Variants in VPS13C observed in about 807,000 individuals in gnomAD.
VPS13C encodes vacuolar protein sorting 13 homolog C, also known as intermembrane lipid transfer protein VPS13C.
In VPS13C, 358 loss-of-function variants were observed where a neutral mutation model predicts 456.8. The ratio of observed to expected loss-of-function variants is 0.78; its 90% confidence interval spans 0.72 to 0.86. VPS13C has a LOEUF of 0.86. Ranked by LOEUF, VPS13C falls within the 40% of genes least tolerant of loss-of-function variation. VPS13C has a pLI of 0.00. For missense variants in VPS13C, 4,818 were observed against 4,385.4 expected, an observed-to-expected ratio of 1.10 and a Z score of -2.79; for synonymous variants, 1,578 against 1,486.7, an observed-to-expected ratio of 1.06 and a Z score of -1.41.
intron 6 of VPS13C, among the ~76,000 whole-genome samples, chr15:62,024,576 G>T (rs2047571626): frequency 6.6e-6 from 1 of 151,984 alleles, no homozygotes; most frequent in Non-Finnish European, 1.5e-5. Context: ...CTAGTCTCCA[G>T]CCTCAGCTCC....
At chr15:61,918,956 T>C (rs1319851597) in intron 58 of VPS13C, among the ~76,000 whole-genome samples, 1 of 152,084 alleles carries the variant, frequency 6.6e-6, no homozygotes, top group Admixed American at 6.6e-5. Flanking sequence ...GAATGGAATG[T>C]TTCCTAACTA....
At chr15:62,036,516 T>C (rs983623534) in intron 3 of VPS13C, among the ~76,000 whole-genome samples, 1 of 152,114 alleles carries the variant, frequency 6.6e-6, no homozygotes, top group South Asian at 2.1e-4. Context: ...ATTTCTTAAA[T>C]GGCTTGCATG....
chr15:62,017,800 T>C (rs1307106552), intron 9 of VPS13C, among the ~76,000 whole-genome samples: 1 of 152,188 alleles, frequency 6.6e-6, no homozygotes, highest in Non-Finnish European at 1.5e-5. Flanking sequence ...AACTTTAAAG[T>C]AGTTTTTTCC....
In VPS13C at chr15:61,922,066, C is replaced by T. The variant is rs78530361; in HGVS notation, c.6976-33G>A. The T allele has an allele frequency of 5.5e-3, 8,758 of 1,597,738 alleles. 78 individuals carry two copies. Among genetic ancestry groups the T allele is most frequent in the Admixed American group, 6.0e-3 (353 of 58,990 alleles). On this transcript the variant is annotated intron_variant, in intron 54 of 84. Coordinates refer to ENST00000644861, the MANE Select transcript of VPS13C (RefSeq NM_020821.3). ...GATACACACAAAATTATAAGACAGT[C>T]CTTTGGCTTTAATTACATATTTCTG...
chr15:62,002,471 C>A (rs2046662722), intron 15 of VPS13C, among the ~76,000 whole-genome samples: 1 of 152,042 alleles, frequency 6.6e-6, no homozygotes, highest in Non-Finnish European at 1.5e-5. Flanking sequence ...TTGTAGGTTG[C>A]CTGTTCACTC....
At position 62,008,675 on chromosome 15, in the gene VPS13C, A is replaced by T. The variant is rs116113749; in HGVS notation, c.1098T>A (p.Leu366=). ...PYRKYKPYLP[L]HTNGRRWWKY... ...CTTACCATCGTCGACCATTGGTATGAAGTGGTAAATAAGGCTTGTATTTCC... is the reference window on the plus strand; with the variant it reads ...CTTACCATCGTCGACCATTGGTATGTAGTGGTAAATAAGGCTTGTATTTCC... Residue 366 remains leucine, a synonymous_variant, in exon 14 of 85, where the codon CTT becomes CTA. Transcript: ENST00000644861. 4.2e-5 allele frequency: 68 copies of T among 1,605,830 alleles called. 1 individual carries two copies. The Middle Eastern group carries it at 3.3e-3, about 78-fold the overall frequency.
At chr15:62,049,749 C>T (rs2048557172) in intron 1 of VPS13C, among the ~76,000 whole-genome samples, 1 of 152,116 alleles carries the variant, frequency 6.6e-6, no homozygotes, top group Admixed American at 6.6e-5. Flanking sequence ...GAATGTTCTT[C>T]CATTTGTTTG....
At chr15:62,024,672 T>TA (rs1013564353) in intron 6 of VPS13C, among the ~76,000 whole-genome samples, 4 of 152,078 alleles carry the variant, frequency 2.6e-5, no homozygotes, top group Admixed American at 2.6e-4. Flanking sequence ...CAAAATTATT[T>TA]AAAGGCTCTC....
intron 28 of VPS13C, among the ~76,000 whole-genome samples, chr15:61,968,558 T>A (rs1240930908): frequency 6.6e-6 from 1 of 152,104 alleles, no homozygotes; most frequent in South Asian, 2.1e-4. Flanking sequence ...TTAGGGAATT[T>A]TAATTACTGT....
intron 19 of VPS13C, 56 bp from the exon 20 acceptor site, chr15:61,984,068 G>A (rs1040239556): frequency 1.3e-6 from 2 of 1,503,568 alleles, no homozygotes; most frequent in Non-Finnish European, 9.0e-7. Context: ...GTAATCTAAT[G>A]GACTAAAATA....
In VPS13C at chr15:62,005,438, T is replaced by C. The variant is rs576074976; in HGVS notation, c.1290+1870A>G. Reference sequence around the variant, plus strand: ...CTGCACGTGAGATGGGTTTCCTGAATACAGCACACTGATGGGTCTTGACTC... The same window carrying C: ...CTGCACGTGAGATGGGTTTCCTGAACACAGCACACTGATGGGTCTTGACTC... On this transcript the variant is annotated intron_variant, in intron 15 of 84. Coordinates refer to ENST00000644861, the MANE Select transcript of VPS13C (RefSeq NM_020821.3). Among the ~76,000 whole-genome samples the C allele has an allele frequency of 5.9e-5, 9 of 152,282 alleles. No individual in the cohort carries two copies. In the East Asian group the frequency reaches 1.7e-3, roughly 29 times the overall value.
intron 28 of VPS13C, among the ~76,000 whole-genome samples, chr15:61,969,024 T>G (rs2045465854): frequency 6.6e-6 from 1 of 152,136 alleles, no homozygotes; most frequent in Admixed American, 6.6e-5. Context: ...TTCCAGGGTT[T>G]TAATCATGGT....
At chr15:61,886,508 G>A (rs1896283318) in intron 67 of VPS13C, among the ~76,000 whole-genome samples, 1 of 152,026 alleles carries the variant, frequency 6.6e-6, no homozygotes, top group Admixed American at 6.6e-5. Flanking sequence ...AAAAAATGCT[G>A]CAGAACAATA....
intron 6 of VPS13C, among the ~76,000 whole-genome samples, chr15:62,024,588 A>G (rs976924593): frequency 1.3e-5 from 2 of 152,062 alleles, no homozygotes; most frequent in African/African-American, 4.8e-5. Context: ...CTCAGCTCCT[A>G]CTAAAGGTCC....
intron 27 of VPS13C, among the ~76,000 whole-genome samples, chr15:61,971,453 G>A (rs989368026): frequency 6.6e-6 from 1 of 152,078 alleles, no homozygotes; most frequent in Admixed American, 6.5e-5. Context: ...TAGAGATGGG[G>A]TTTCACCGTG....
At chr15:62,048,968 A>G (rs1269113046) in intron 1 of VPS13C, among the ~76,000 whole-genome samples, 1 of 150,138 alleles carries the variant, frequency 6.7e-6, no homozygotes, top group African/African-American at 2.4e-5. Context: ...TTTTCTTGTA[A>G]ATTTGTTTGA....
At chr15:61,950,521 A>G (rs551114212) in intron 40 of VPS13C, 104 bp from the exon 41 acceptor site, 1 of 907,512 alleles carries the variant, frequency 1.1e-6, no homozygotes, top group East Asian at 2.7e-5. Flanking sequence ...TTAAAAGAGT[A>G]AAAAGATATT....
chr15:62,006,735 T>C (rs546565768), intron 15 of VPS13C, among the ~76,000 whole-genome samples: 180 of 152,302 alleles, frequency 1.2e-3, no homozygotes, highest in Middle Eastern at 6.8e-3. Context: ...TGTAAAAGTG[T>C]TCCTATTTCT....
intron 1 of VPS13C, among the ~76,000 whole-genome samples, chr15:62,059,680 G>A (rs2048924442): frequency 6.6e-6 from 1 of 152,152 alleles, no homozygotes; most frequent in African/African-American, 2.4e-5. Context: ...ATTAAAGGAA[G>A]AAATCATTTT....
Sources: gnomAD v4.1 joint callset for allele counts (sites outside exome capture counted in the v4.1 genomes callset) on GRCh38, gnomAD v4.1.1 for gene constraint, MANE v1.5 for transcripts, NCBI Gene and HGNC (gene_info 2026-07-23, HGNC 2026-07-21) for gene names.